The following RANBP2 variants were observed in gnomAD, a reference collection of about 807,000 sequenced individuals.
RANBP2 encodes RAN binding protein 2, also known as E3 SUMO-protein ligase RanBP2.
A neutral mutation model predicts 303.6 loss-of-function variants in RANBP2; 57 were observed. The ratio of observed to expected loss-of-function variants is 0.19; its 90% CI spans 0.15 to 0.23. The LOEUF (loss-of-function observed/expected upper bound fraction) is 0.23, where lower values mean the gene tolerates loss of function less well. Ranked by LOEUF, RANBP2 falls within the 10% of genes least tolerant of loss-of-function variation. The pLI, the probability that RANBP2 is intolerant of heterozygous loss-of-function variation, is 1.00. For synonymous variants in RANBP2, 1,167 were observed against 1,301.5 expected, an observed-to-expected ratio of 0.90 and a Z score of 2.23; for missense variants, 3,138 against 3,780.8, an observed-to-expected ratio of 0.83 and a Z score of 4.46.
the RANBP2 span, chr2:109,398,779 C>T: frequency 3.1e-6 from 5 of 1,613,762 alleles, no homozygotes; most frequent in Non-Finnish European, 4.2e-6. Flanking sequence ...CACCAAGAAA[C>T]GCCACTCCTT....
the RANBP2 span, among the ~76,000 whole-genome samples, chr2:109,039,685 GTTAAGTACCTATTCCATTA>G: frequency 2.4e-4 from 37 of 151,886 alleles, no homozygotes; most frequent in African/African-American, 8.7e-4. Context: ...TTCTTCTTTT[GTTAAGTACCTATTCCATTA>G]TTCTCCCTTT....
chr2:108,841,663 A>G, the RANBP2 span, among the ~76,000 whole-genome samples: 6 of 152,148 alleles, frequency 3.9e-5, no homozygotes, highest in South Asian at 2.1e-4. Context: ...AATAGCATAC[A>G]GCTGCATTTA....
chr2:109,116,513 AT>A, the RANBP2 span, among the ~76,000 whole-genome samples: 1 of 152,152 alleles, frequency 6.6e-6, no homozygotes, highest in African/African-American at 2.4e-5. Context: ...TGTATTGGTT[AT>A]TCTAGTTATA....
At chr2:109,613,171 TAAC>T in the RANBP2 span, 1 of 1,288,880 alleles carries the variant, frequency 7.8e-7, no homozygotes, top group Non-Finnish European at 1.0e-6. Flanking sequence ...AAAATAGTTG[TAAC>T]CACACTTGGA....
chr2:109,212,086 C>T, the RANBP2 span, among the ~76,000 whole-genome samples: 5,194 of 152,310 alleles, frequency 0.034, 269 homozygotes, highest in African/African-American at 0.11. Context: ...GGAATGTAAG[C>T]TGGTGAATGG....
At chr2:108,908,300 C>T in the RANBP2 span, among the ~76,000 whole-genome samples, 9 of 152,162 alleles carry the variant, frequency 5.9e-5, no homozygotes, top group Non-Finnish European at 1.2e-4. Flanking sequence ...GAGGCATCCA[C>T]GGGCCTCTCC....
chr2:109,454,648 A>G, the RANBP2 span, among the ~76,000 whole-genome samples: 3 of 152,166 alleles, frequency 2.0e-5, no homozygotes, highest in South Asian at 6.2e-4. Flanking sequence ...TGGGACCCAC[A>G]TTTTTATTTA....
chr2:109,246,714 C>G, the RANBP2 span, among the ~76,000 whole-genome samples: 1 of 152,202 alleles, frequency 6.6e-6, no homozygotes, highest in Non-Finnish European at 1.5e-5. Flanking sequence ...CTGGATGTCT[C>G]TGCTCAGATG....
the RANBP2 span, among the ~76,000 whole-genome samples, chr2:109,651,259 A>G: frequency 1.3e-5 from 2 of 152,050 alleles, no homozygotes; most frequent in African/African-American, 4.8e-5. Context: ...ACAATACCAC[A>G]TATTACTCCC....
chr2:109,181,221 A>G, the RANBP2 span, among the ~76,000 whole-genome samples: 1 of 152,314 alleles, frequency 6.6e-6, no homozygotes, highest in Non-Finnish European at 1.5e-5. Flanking sequence ...GGTTTATGGA[A>G]AAGTTGAGAA....
At chr2:109,545,278 C>T in the RANBP2 span, 100 of 1,415,456 alleles carry the variant, frequency 7.1e-5, no homozygotes, top group Non-Finnish European at 8.7e-5. Flanking sequence ...GACAGGGATA[C>T]TTAAGTGGGA....
At position 108,766,642 on chromosome 2, in the gene RANBP2, C is replaced by A; in HGVS notation, c.6103C>A (p.Leu2035Met). The A allele has an allele frequency of 6.2e-7, 1 of 1,611,924 alleles. No individual in the cohort carries two copies. The highest frequency in any genetic ancestry group is 8.5e-7 in the Non-Finnish European group (1 of 1,179,846). ...LVTGEEDEKV[L>M]YSQRVKLFRF... ...AACAGGAGAAGAAGATGAAAAAGTTCTGTATTCACAGCGGGTAAAACTATT... is the reference window on the plus strand; with the variant it reads ...AACAGGAGAAGAAGATGAAAAAGTTATGTATTCACAGCGGGTAAAACTATT... Residue 2035 changes from leucine (L) to methionine (M), a missense_variant, in exon 20 of 29, where the codon CTG becomes ATG. Transcript: ENST00000283195.
At chr2:109,087,060 CA>C in the RANBP2 span, among the ~76,000 whole-genome samples, 1 of 152,180 alleles carries the variant, frequency 6.6e-6, no homozygotes, top group Non-Finnish European at 1.5e-5. Context: ...CAAGTTGGGA[CA>C]GGGGACCCCC....
At chr2:108,917,119 CAG>C in the RANBP2 span, among the ~76,000 whole-genome samples, 2 of 152,306 alleles carry the variant, frequency 1.3e-5, no homozygotes, top group African/African-American at 4.8e-5. Context: ...CCAGAATTTT[CAG>C]AGTCACAGCT....
chr2:109,548,188 A>C, the RANBP2 span, among the ~76,000 whole-genome samples: 1 of 152,186 alleles, frequency 6.6e-6, no homozygotes, highest in Non-Finnish European at 1.5e-5. Context: ...AAAAAAAAAA[A>C]AAACTAGGGT....
At chr2:108,853,879 A>T in the RANBP2 span, among the ~76,000 whole-genome samples, 2 of 123,098 alleles carry the variant, frequency 1.6e-5, no homozygotes, top group South Asian at 2.2e-4. Context: ...ATACTATATA[A>T]TATATTATAT....
chr2:109,296,967 G>A, the RANBP2 span, among the ~76,000 whole-genome samples: 1 of 152,194 alleles, frequency 6.6e-6, no homozygotes, highest in African/African-American at 2.4e-5. Context: ...TGAGGAGCTA[G>A]TGATTTACCT....
the RANBP2 span, among the ~76,000 whole-genome samples, chr2:108,823,999 G>A: frequency 6.6e-6 from 1 of 151,726 alleles, no homozygotes; most frequent in Non-Finnish European, 1.5e-5. Context: ...GGAGGGGTGG[G>A]GGGTACACCT....
chr2:109,170,237 CTTTT>C, the RANBP2 span, among the ~76,000 whole-genome samples: 1 of 32,988 alleles, frequency 3.0e-5, no homozygotes, highest in Non-Finnish European at 5.9e-5. Flanking sequence ...CTCTTCTCTT[CTTTT>C]CTTTTCTCTT....
Sources: allele counts gnomAD v4.1 joint callset (sites outside exome capture counted in the v4.1 genomes callset), GRCh38; gene constraint gnomAD v4.1.1; transcripts MANE v1.5; gene names NCBI Gene and HGNC (gene_info 2026-07-23, HGNC 2026-07-21).